Variants in BTRC observed in about 807,000 individuals in gnomAD.
BTRC encodes the protein beta-transducin repeat containing E3 ubiquitin protein ligase.
A neutral mutation model predicts 85.5 loss-of-function variants in BTRC; 42 were observed. That is an observed-to-expected ratio of 0.49 (90% CI 0.38 to 0.64). The LOEUF (loss-of-function observed/expected upper bound fraction) is 0.64. Ranked by LOEUF, BTRC falls within the 30% of genes least tolerant of loss-of-function variation. BTRC has a pLI of 0.00. For missense variants in BTRC, 594 were observed against 743.5 expected (o/e 0.80, Z 2.34); for synonymous variants, 255 against 263.3 (o/e 0.97, Z 0.30).
chr10:101,536,773 T>C (rs1453964096), intron 12 of BTRC, 120 bp downstream of exon 12: 2 of 672,074 alleles, frequency 3.0e-6, no homozygotes, highest in Non-Finnish European at 5.0e-6. Context: ...ACACAAAATA[T>C]CTGATACCAT....
intron 1 of BTRC, among the ~76,000 whole-genome samples, chr10:101,381,285 A>G (rs1205509342): frequency 1.3e-5 from 2 of 152,192 alleles, no homozygotes; most frequent in Non-Finnish European, 2.9e-5. Context: ...TGAGGCACAG[A>G]CAGGTTGTTA....
chr10:101,475,555 A>T (rs904329564), intron 3 of BTRC, among the ~76,000 whole-genome samples: 29 of 152,116 alleles, frequency 1.9e-4, no homozygotes, highest in Non-Finnish European at 3.2e-4. Flanking sequence ...AAAAACAAAA[A>T]CAAAAACAGA....
chr10:101,372,056 G>A (rs567210450), intron 1 of BTRC, among the ~76,000 whole-genome samples: 16 of 151,890 alleles, frequency 1.1e-4, no homozygotes, highest in African/African-American at 3.6e-4. Context: ...TCATATTAAT[G>A]TCTATATATG....
intron 1 of BTRC, among the ~76,000 whole-genome samples, chr10:101,357,220 A>C (rs985778221): frequency 4.1e-4 from 62 of 152,044 alleles, no homozygotes; most frequent in African/African-American, 1.5e-3. Context: ...AGGCGGGCGG[A>C]ACACGAGGTC....
At chr10:101,499,656 A>C (rs923485189) in intron 4 of BTRC, among the ~76,000 whole-genome samples, 1 of 151,436 alleles carries the variant, frequency 6.6e-6, no homozygotes, top group Non-Finnish European at 1.5e-5. Context: ...TCACACCCCT[A>C]ACCCCCATTC....
At chr10:101,364,862 TGGAGGTACTGCA>T (rs1246408092) in intron 1 of BTRC, 45 of 150,552 alleles carry the variant, frequency 3.0e-4, no homozygotes, top group African/African-American at 1.1e-3. Context: ...GCACCGTTCC[TGGAGGTACTGCA>T]ATACCAGGTC....
chr10:101,458,172 C>G (rs1231673609), intron 2 of BTRC, among the ~76,000 whole-genome samples: 1 of 152,110 alleles, frequency 6.6e-6, no homozygotes, highest in African/African-American at 2.4e-5. Flanking sequence ...GTAGATAATA[C>G]TACTTGGCAA....
At chr10:101,531,377 T>C in intron 7 of BTRC, 44 bp downstream of exon 7, 1 of 1,397,590 alleles carries the variant, frequency 7.2e-7, no homozygotes, top group South Asian at 1.2e-5. Context: ...GGGCACAGAA[T>C]TATCAGCATT....
At chr10:101,398,734 G>C (rs1033668607) in intron 1 of BTRC, among the ~76,000 whole-genome samples, 1 of 152,144 alleles carries the variant, frequency 6.6e-6, no homozygotes, top group African/African-American at 2.4e-5. Context: ...CTGTGTTGTG[G>C]TTGAAAACTG....
chr10:101,391,587 A>T (rs1374022020), intron 1 of BTRC, among the ~76,000 whole-genome samples: 5 of 152,226 alleles, frequency 3.3e-5, no homozygotes, highest in African/African-American at 1.2e-4. Context: ...CTTTATAAAA[A>T]TGGCAATGTT....
intron 2 of BTRC, among the ~76,000 whole-genome samples, chr10:101,438,051 A>T (rs1343229243): frequency 6.6e-6 from 1 of 152,086 alleles, no homozygotes; most frequent in Non-Finnish European, 1.5e-5. Context: ...AGGAGTATTC[A>T]TTTTCGTACT....
intron 1 of BTRC, among the ~76,000 whole-genome samples, chr10:101,358,378 C>T (rs1942104493): frequency 6.6e-6 from 1 of 152,150 alleles, no homozygotes; most frequent in Admixed American, 6.6e-5. Context: ...GTTGGGATTA[C>T]AGGCGTGAGC....
intron 1 of BTRC, among the ~76,000 whole-genome samples, chr10:101,365,556 A>G (rs1214649283): frequency 1.4e-5 from 2 of 146,060 alleles, no homozygotes; most frequent in Admixed American, 6.9e-5. Flanking sequence ...GCTCACTGCA[A>G]CCTCTGCCTT....
intron 1 of BTRC, among the ~76,000 whole-genome samples, chr10:101,387,986 G>C (rs992859260): frequency 3.3e-5 from 5 of 151,770 alleles, no homozygotes; most frequent in African/African-American, 1.2e-4. Context: ...CACCATGCCC[G>C]GCCTTTGGAA....
At chr10:101,469,170 G>C (rs1183857386) in intron 3 of BTRC, among the ~76,000 whole-genome samples, 4 of 152,208 alleles carry the variant, frequency 2.6e-5, no homozygotes, top group Non-Finnish European at 5.9e-5. Flanking sequence ...AACCTATCTT[G>C]CCTGTGGCTA....
chr10:101,373,430 G>A (rs1163434053), intron 1 of BTRC, among the ~76,000 whole-genome samples: 2 of 152,126 alleles, frequency 1.3e-5, no homozygotes, highest in African/African-American at 2.4e-5. Flanking sequence ...GAATGAAGAA[G>A]GTTGCTGAGA....
At chr10:101,494,645 A>G (rs1946215192) in intron 4 of BTRC, among the ~76,000 whole-genome samples, 1 of 152,130 alleles carries the variant, frequency 6.6e-6, no homozygotes. Flanking sequence ...CTGGTTTTAT[A>G]CACGTATTGA....
intron 4 of BTRC, among the ~76,000 whole-genome samples, chr10:101,501,783 A>G (rs978825733): frequency 1.3e-5 from 2 of 152,222 alleles, no homozygotes; most frequent in Non-Finnish European, 2.9e-5. Context: ...TCTTCAAAGA[A>G]AGGATACAAG....
At chr10:101,498,258 A>G (rs1259692115) in intron 4 of BTRC, among the ~76,000 whole-genome samples, 2 of 151,782 alleles carry the variant, frequency 1.3e-5, no homozygotes, top group Non-Finnish European at 2.9e-5. Flanking sequence ...GATTCAAGCA[A>G]TTCCCCTGCC....
Sources: gnomAD v4.1 joint callset for allele counts (sites outside exome capture counted in the v4.1 genomes callset) on GRCh38, gnomAD v4.1.1 for gene constraint, MANE v1.5 for transcripts, NCBI Gene and HGNC (gene_info 2026-07-23, HGNC 2026-07-21) for gene names.